Variants in HSDL2 observed in about 807,000 individuals in gnomAD.
HSDL2 encodes hydroxysteroid dehydrogenase like 2.
A neutral mutation model predicts 46.3 loss-of-function variants in HSDL2; 27 were observed. That is an observed-to-expected ratio of 0.58 (90% CI 0.43 to 0.80). The LOEUF (loss-of-function observed/expected upper bound fraction) is 0.80, where lower values mean the gene tolerates loss of function less well. HSDL2 is among the 30% of genes least tolerant of loss of function. HSDL2 has a pLI of 0.00. For missense variants in HSDL2, 451 were observed against 502.7 expected, an observed-to-expected ratio of 0.90 and a Z score of 0.98; for synonymous variants, 153 against 163.6, an observed-to-expected ratio of 0.94 and a Z score of 0.50.
Position 112,405,606 on chromosome 9 carries a change from T to G in HSDL2, c.182-18T>G. On this transcript the variant is annotated intron_variant, in intron 2 of 10. Coordinates refer to ENST00000398805, the MANE Select transcript of HSDL2 (RefSeq NM_032303.5). Reference sequence around the variant, plus strand: ...TTAAATGCTTTAACGCTTTTTCATTTTGTATCCTTTATATAAGTTGAAGCA... The same window carrying G: ...TTAAATGCTTTAACGCTTTTTCATTGTGTATCCTTTATATAAGTTGAAGCA... The G allele has an allele frequency of 6.5e-7, 1 of 1,542,046 alleles. No individual in the cohort carries two copies. The highest frequency in any genetic ancestry group is 8.9e-7 in the Non-Finnish European group (1 of 1,125,836).
chr9:112,448,932 A>C (rs1467844394), intron 8 of HSDL2, among the ~76,000 whole-genome samples: 2 of 152,064 alleles, frequency 1.3e-5, no homozygotes, highest in Non-Finnish European at 2.9e-5. Flanking sequence ...TATTTCTTTC[A>C]AAACTTTTAT....
At chr9:112,410,705 T>C (rs62569983) in intron 4 of HSDL2, among the ~76,000 whole-genome samples, 21,201 of 152,056 alleles carry the variant, frequency 0.14, 1,832 homozygotes, top group East Asian at 0.21. Flanking sequence ...GCCAGGCGGG[T>C]CACTTGAGCC....
intron 7 of HSDL2, chr9:112,438,835 GATATATATAT>G (rs10553470): frequency 5.0e-5 from 12 of 241,054 alleles, no homozygotes; most frequent in Non-Finnish European, 7.8e-5. Flanking sequence ...CTTTTGAAGT[GATATATATAT>G]ATATATATAT....
chr9:112,441,022 TA>T (rs1262077722), intron 7 of HSDL2, among the ~76,000 whole-genome samples: 19 of 149,728 alleles, frequency 1.3e-4, no homozygotes, highest in East Asian at 2.0e-4. Context: ...AATAAATAAA[TA>T]AATAAATAAT....
At chr9:112,454,917 G>T (rs1832980850) in intron 9 of HSDL2, among the ~76,000 whole-genome samples, 1 of 151,676 alleles carries the variant, frequency 6.6e-6, no homozygotes, top group Non-Finnish European at 1.5e-5. Flanking sequence ...TGTTGCCCAG[G>T]CTGGTCTCAA....
At chr9:112,406,862 A>G (rs187719430) in intron 3 of HSDL2, among the ~76,000 whole-genome samples, 84 of 152,284 alleles carry the variant, frequency 5.5e-4, no homozygotes, top group African/African-American at 2.0e-3. Flanking sequence ...AAGTTCCTAG[A>G]AAAAAGGTGT....
At chr9:112,401,546 A>G (rs1831594861) in intron 1 of HSDL2, among the ~76,000 whole-genome samples, 2 of 151,684 alleles carry the variant, frequency 1.3e-5, no homozygotes, top group African/African-American at 4.9e-5. Flanking sequence ...ACAAATACTC[A>G]TCTGTAACAA....
chr9:112,386,993 A>C (rs753920127), intron 1 of HSDL2, among the ~76,000 whole-genome samples: 8 of 152,218 alleles, frequency 5.3e-5, no homozygotes, highest in Non-Finnish European at 1.0e-4. Context: ...AGCCAGATGT[A>C]ATGTGAGGTC....
intron 6 of HSDL2, among the ~76,000 whole-genome samples, chr9:112,422,201 C>G (rs1832139576): frequency 6.6e-6 from 1 of 152,078 alleles, no homozygotes; most frequent in Non-Finnish European, 1.5e-5. Flanking sequence ...CAGAGTGAGA[C>G]TGTCTCAAAA....
intron 2 of HSDL2, among the ~76,000 whole-genome samples, chr9:112,405,247 G>A (rs553649871): frequency 1.3e-3 from 204 of 152,312 alleles, no homozygotes; most frequent in African/African-American, 4.5e-3. Flanking sequence ...AGCTACTTGG[G>A]AAGCTGAGGT....
At chr9:112,466,663 T>C (rs1438583430) in intron 10 of HSDL2, among the ~76,000 whole-genome samples, 1 of 152,226 alleles carries the variant, frequency 6.6e-6, no homozygotes, top group Non-Finnish European at 1.5e-5. Context: ...CTTGATGATA[T>C]ATTTTGAAGC....
intron 4 of HSDL2, among the ~76,000 whole-genome samples, chr9:112,414,455 T>C (rs1831945551): frequency 6.6e-6 from 1 of 152,180 alleles, no homozygotes. Context: ...AAGGTATCAG[T>C]ATCTAAGTGT....
intron 8 of HSDL2, among the ~76,000 whole-genome samples, chr9:112,452,844 T>C (rs10981412): frequency 0.28 from 42,486 of 152,114 alleles, 6,261 homozygotes; most frequent in Middle Eastern, 0.38. Context: ...GCTGATCATA[T>C]GTTAAGTTGT....
chr9:112,443,914 A>T (rs1301811598), intron 8 of HSDL2, among the ~76,000 whole-genome samples: 1 of 152,226 alleles, frequency 6.6e-6, no homozygotes, highest in African/African-American at 2.4e-5. Flanking sequence ...TGGAATCAGA[A>T]CAAGGGAGTT....
At chr9:112,408,789 G>T in intron 3 of HSDL2, 118 bp from the exon 4 acceptor site, 1 of 555,914 alleles carries the variant, frequency 1.8e-6, no homozygotes. Flanking sequence ...TGATTGAAAT[G>T]TTAGGTGTGG....
At chr9:112,416,785 G>A in intron 4 of HSDL2, 56 bp from the exon 5 acceptor site, 1 of 833,770 alleles carries the variant, frequency 1.2e-6, no homozygotes, top group Non-Finnish European at 2.0e-6. Flanking sequence ...AAAAAAAAAA[G>A]TGGAGAAATT....
intron 1 of HSDL2, among the ~76,000 whole-genome samples, chr9:112,397,521 C>G (rs1831483895): frequency 6.6e-6 from 1 of 152,202 alleles, no homozygotes; most frequent in Non-Finnish European, 1.5e-5. Flanking sequence ...AGGAGCTTGA[C>G]TTGGGGCACG....
At chr9:112,444,354 C>T (rs377085548) in intron 8 of HSDL2, among the ~76,000 whole-genome samples, 9 of 152,036 alleles carry the variant, frequency 5.9e-5, no homozygotes, top group Admixed American at 3.3e-4. Context: ...TTCCAGTATT[C>T]GTCGTGTGTA....
intron 1 of HSDL2, among the ~76,000 whole-genome samples, chr9:112,385,584 G>C (rs941968793): frequency 4.3e-5 from 2 of 46,672 alleles, no homozygotes; most frequent in African/African-American, 1.4e-4. Flanking sequence ...CCACTTCCAG[G>C]GTTCAAGCAA....
Sources: gnomAD v4.1 joint callset for allele counts (sites outside exome capture counted in the v4.1 genomes callset) on GRCh38, gnomAD v4.1.1 for gene constraint, MANE v1.5 for transcripts, NCBI Gene and HGNC (gene_info 2026-07-23, HGNC 2026-07-21) for gene names.